Variants in DPP10 observed in about 807,000 individuals in gnomAD.
DPP10 encodes dipeptidyl peptidase like 10, also known as inactive dipeptidyl peptidase 10.
Under a neutral mutation model 120.9 loss-of-function variants are expected in DPP10, and 33 were observed. The ratio of observed to expected loss-of-function variants is 0.27; its 90% CI spans 0.21 to 0.37. The LOEUF is 0.37. DPP10 is among the 10% of genes least tolerant of loss of function. The pLI, the probability that DPP10 is intolerant of heterozygous loss-of-function variation, is 1.00. For missense variants in DPP10, 816 were observed against 942.8 expected (o/e 0.87, Z 1.76); for synonymous variants, 337 against 326.1 (o/e 1.03, Z -0.36).
At chr2:115,123,384 G>A (rs571811639) in intron 1 of DPP10, among the ~76,000 whole-genome samples, 7 of 152,240 alleles carry the variant, frequency 4.6e-5, no homozygotes, top group African/African-American at 1.2e-4. Flanking sequence ...TTCCCTTGGG[G>A]TGGCCTGTTC....
chr2:114,762,790 AC>A (rs1680394776), intron 1 of DPP10, among the ~76,000 whole-genome samples: 1 of 152,226 alleles, frequency 6.6e-6, no homozygotes. Context: ...TCTGACCTGG[AC>A]AAAACAGTGA....
At chr2:114,789,858 T>C (rs996219503) in intron 1 of DPP10, among the ~76,000 whole-genome samples, 6 of 152,126 alleles carry the variant, frequency 3.9e-5, no homozygotes, top group African/African-American at 1.4e-4. Flanking sequence ...TTCCAGTGAG[T>C]CGGATTAGTT....
At chr2:115,747,579 G>A (rs1177127464) in intron 10 of DPP10, among the ~76,000 whole-genome samples, 1 of 148,902 alleles carries the variant, frequency 6.7e-6, no homozygotes, top group African/African-American at 2.4e-5. Context: ...CTCTCTCAGG[G>A]CTGAATCCCC....
intron 15 of DPP10, among the ~76,000 whole-genome samples, chr2:115,780,125 T>A (rs575003945): frequency 2.0e-5 from 3 of 152,002 alleles, no homozygotes; most frequent in Admixed American, 2.0e-4. Context: ...AGTGTTTTCA[T>A]CCATTGACCT....
intron 8 of DPP10, among the ~76,000 whole-genome samples, chr2:115,738,229 A>G (rs1676825765): frequency 6.6e-6 from 1 of 152,136 alleles, no homozygotes; most frequent in African/African-American, 2.4e-5. Context: ...GTTCTCTTGG[A>G]CTGTGGCCAT....
intron 1 of DPP10, among the ~76,000 whole-genome samples, chr2:114,548,464 C>T (rs1687603114): frequency 6.6e-6 from 1 of 152,272 alleles, no homozygotes; most frequent in South Asian, 2.1e-4. Context: ...TCCTCTCCTC[C>T]CCTCCTTACT....
intron 1 of DPP10, among the ~76,000 whole-genome samples, chr2:114,751,361 A>C (rs1280788644): frequency 6.6e-6 from 1 of 152,182 alleles, no homozygotes; most frequent in Non-Finnish European, 1.5e-5. Flanking sequence ...TTCTCCAACT[A>C]CTTATTCACA....
chr2:115,452,943 A>G (rs1388610531), intron 3 of DPP10, among the ~76,000 whole-genome samples: 1 of 151,868 alleles, frequency 6.6e-6, no homozygotes, highest in Non-Finnish European at 1.5e-5. Flanking sequence ...GACAATAGTA[A>G]GAATTTTTAC....
At chr2:115,122,741 A>G (rs2049887553) in intron 1 of DPP10, among the ~76,000 whole-genome samples, 1 of 152,218 alleles carries the variant, frequency 6.6e-6, no homozygotes, top group Non-Finnish European at 1.5e-5. Context: ...TCAGGAAACA[A>G]GCAGAGGAAA....
chr2:115,780,368 A>G lies in DPP10; in HGVS notation c.1362-506A>G, dbSNP rs114815286. 3.8e-3 allele frequency among the ~76,000 whole-genome samples: 583 copies of G among 152,024 alleles called. 2 individuals are homozygous for G. Among genetic ancestry groups the G allele is most frequent in the African/African-American group, 0.013 (546 of 41,546 alleles). On this transcript the variant is annotated intron_variant, in intron 15 of 25. Coordinates refer to ENST00000410059, the MANE Select transcript of DPP10 (RefSeq NM_020868.6). The stretch of plus-strand genomic sequence containing the variant: ...AAATCAGTAATTTTTCTGCAAGTAA[A>G]TGATGGGGAAAATTTGGCACTGATA...
At chr2:115,700,767 T>C (rs2091851481) in intron 7 of DPP10, among the ~76,000 whole-genome samples, 1 of 151,980 alleles carries the variant, frequency 6.6e-6, no homozygotes, top group Admixed American at 6.6e-5. Context: ...CACAGAGAAA[T>C]CATATACATT....
chr2:115,836,221 C>T lies in DPP10; in HGVS notation c.2015C>T (p.Ser672Phe), dbSNP rs1383512176. The T allele has an allele frequency of 6.2e-7, 1 of 1,608,490 alleles. No individual in the cohort carries two copies. Among genetic ancestry groups the T allele is most frequent in the African/African-American group, 1.3e-5 (1 of 74,614 alleles). Residue 672 changes from serine (S) to phenylalanine (F), a missense_variant, in exon 22 of 26, where the codon TCC becomes TTC. By Grantham distance (155) the Ser-to-Phe change is radical. Around this residue, in one of 3 missense-constraint regions of DPP10, gnomAD observed 592 missense variants for 649.0 expected, o/e 0.91. Transcript: ENST00000410059. ...GATGAAAAGCTTTTTAAATGTGGAT[C>T]CGTGGTTGCACCTATCACAGACTTG... is the stretch of plus-strand genomic sequence containing the variant. The part of the protein sequence containing the change: ...KSDEKLFKCG[S>F]VVAPITDLKL...
intron 1 of DPP10, among the ~76,000 whole-genome samples, chr2:114,472,833 A>G (rs879439025): frequency 6.6e-6 from 1 of 152,254 alleles, no homozygotes; most frequent in Admixed American, 6.5e-5. Flanking sequence ...GCTGGTTCAC[A>G]GAAGTAAGTT....
intron 5 of DPP10, among the ~76,000 whole-genome samples, chr2:115,664,489 T>G (rs922244708): frequency 2.6e-5 from 4 of 152,152 alleles, no homozygotes; most frequent in Non-Finnish European, 4.4e-5. Context: ...AATGTATATC[T>G]CCCACTTTTT....
intron 7 of DPP10, among the ~76,000 whole-genome samples, chr2:115,696,159 A>C (rs1164327117): frequency 6.6e-6 from 1 of 152,116 alleles, no homozygotes; most frequent in East Asian, 1.9e-4. Flanking sequence ...GGAATGTTAG[A>C]AGTAGAAGAG....
chr2:114,923,809 C>T (rs116235807), intron 1 of DPP10, among the ~76,000 whole-genome samples: 1,636 of 152,206 alleles, frequency 0.011, 27 homozygotes, highest in African/African-American at 0.038. Context: ...AAATTTTAGA[C>T]AATTTGGATG....
intron 1 of DPP10, among the ~76,000 whole-genome samples, chr2:115,172,539 G>C (rs1391932527): frequency 6.6e-6 from 1 of 152,134 alleles, no homozygotes; most frequent in East Asian, 1.9e-4. Context: ...ATTATTTTTA[G>C]TGGATAGACC....
At chr2:115,786,525 G>A (rs1683364969) in intron 17 of DPP10, among the ~76,000 whole-genome samples, 1 of 151,940 alleles carries the variant, frequency 6.6e-6, no homozygotes, top group Non-Finnish European at 1.5e-5. Flanking sequence ...AAAAAAAAGA[G>A]TAAAGAAAAC....
At chr2:114,740,965 A>G (rs1201531404) in intron 1 of DPP10, among the ~76,000 whole-genome samples, 4 of 152,200 alleles carry the variant, frequency 2.6e-5, no homozygotes, top group Non-Finnish European at 5.9e-5. Context: ...AATTTAAAAA[A>G]CATTACTGGG....
Sources: gnomAD v4.1 joint callset for allele counts (sites outside exome capture counted in the v4.1 genomes callset) on GRCh38, gnomAD v4.1.1 for gene constraint, gnomAD v4.1.1 regional missense constraint, MANE v1.5 for transcripts, NCBI Gene and HGNC (gene_info 2026-07-23, HGNC 2026-07-21) for gene names.